The following PCCA variants were observed in gnomAD, a reference collection of about 807,000 sequenced individuals.
PCCA encodes propionyl-CoA carboxylase subunit alpha.
PCCA carries 74 observed loss-of-function variants against 101.3 expected under a neutral mutation model. The observed-to-expected ratio is 0.73, with a 90% CI of 0.61 to 0.89. PCCA has a LOEUF of 0.89. PCCA is among the 40% of genes least tolerant of loss of function. The probability of loss-of-function intolerance (pLI) is 0.00; values close to 1 mark genes in which losing one functional copy is unlikely to be tolerated. For synonymous variants in PCCA, 294 were observed against 313.6 expected (o/e 0.94, Z 0.66); for missense variants, 891 against 907.0 (o/e 0.98, Z 0.23).
In PCCA at chr13:100,104,099, G is replaced by A. The variant is rs563011859; in HGVS notation, c.183+1139G>A. ...ATGCCTTCATGGCAATGAAGGCATC[G>A]AAGTGGGCGGGAGTTTTGGTTAAGA... On this transcript the variant is annotated intron_variant, in intron 2 of 23. Coordinates refer to ENST00000376285, the MANE Select transcript of PCCA (RefSeq NM_000282.4). 5.9e-5 allele frequency among the ~76,000 whole-genome samples: 9 copies of A among 152,296 alleles called. No individual in the cohort carries two copies. The South Asian group carries it at 1.7e-3, about 28-fold the overall frequency.
At chr13:100,402,229 A>G (rs1188187356) in intron 19 of PCCA, among the ~76,000 whole-genome samples, 1 of 152,054 alleles carries the variant, frequency 6.6e-6, no homozygotes, top group Non-Finnish European at 1.5e-5. Flanking sequence ...TACAAAAGCT[A>G]TGTTGAAGAG....
chr13:100,505,641 G>T (rs1446919172), intron 21 of PCCA, among the ~76,000 whole-genome samples: 7 of 152,214 alleles, frequency 4.6e-5, no homozygotes, highest in Admixed American at 6.5e-5. Context: ...GGGGCGGGCG[G>T]ATCCCTTGAG....
intron 6 of PCCA, among the ~76,000 whole-genome samples, chr13:100,197,980 A>G (rs1373890775): frequency 6.6e-6 from 1 of 152,184 alleles, no homozygotes; most frequent in East Asian, 1.9e-4. Flanking sequence ...AACCAAAACT[A>G]TTTACATTCG....
chr13:100,093,652 G>C (rs1241544682), intron 1 of PCCA, among the ~76,000 whole-genome samples: 2 of 152,180 alleles, frequency 1.3e-5, no homozygotes, highest in African/African-American at 4.8e-5. Flanking sequence ...GGTAGCTCAC[G>C]CCTGCAATCT....
chr13:100,489,660 G>T (rs4772293), intron 21 of PCCA, among the ~76,000 whole-genome samples: 3 of 152,002 alleles, frequency 2.0e-5, no homozygotes, highest in Admixed American at 6.5e-5. Context: ...CGGAATGGCC[G>T]GCCAAATTTA....
intron 18 of PCCA, among the ~76,000 whole-genome samples, chr13:100,359,073 C>T (rs567442033): frequency 2.5e-5 from 3 of 121,764 alleles, no homozygotes; most frequent in African/African-American, 9.6e-5. Flanking sequence ...GCACTCCAGC[C>T]TGGGCAACAG....
chr13:100,203,790 A>G (rs372715472), intron 6 of PCCA, among the ~76,000 whole-genome samples: 3 of 152,340 alleles, frequency 2.0e-5, no homozygotes, highest in East Asian at 1.9e-4. Flanking sequence ...AGAGCCATGT[A>G]TTTTAAAATC....
intron 10 of PCCA, among the ~76,000 whole-genome samples, chr13:100,263,986 T>G (rs1354599680): frequency 1.3e-5 from 2 of 150,978 alleles, no homozygotes; most frequent in African/African-American, 4.9e-5. Context: ...GTATGTCATA[T>G]ATACGGTATC....
chr13:100,251,008 T>C (rs1252163702), intron 8 of PCCA, among the ~76,000 whole-genome samples: 1 of 152,112 alleles, frequency 6.6e-6, no homozygotes, highest in East Asian at 1.9e-4. Context: ...TATAATAGTA[T>C]ATATACCTTA....
intron 6 of PCCA, among the ~76,000 whole-genome samples, chr13:100,169,165 GGC>G (rs1449919346): frequency 6.6e-6 from 1 of 152,142 alleles, no homozygotes; most frequent in Non-Finnish European, 1.5e-5. Context: ...AATTTGGCCA[GGC>G]GCAGTGGCTC....
At chr13:100,329,421 G>A (rs1222833431) in intron 16 of PCCA, among the ~76,000 whole-genome samples, 6 of 152,112 alleles carry the variant, frequency 3.9e-5, no homozygotes, top group African/African-American at 1.4e-4. Context: ...AGGATGAGGA[G>A]CTTAGTGGCC....
At chr13:100,446,057 T>C (rs1185851905) in intron 20 of PCCA, among the ~76,000 whole-genome samples, 1 of 152,218 alleles carries the variant, frequency 6.6e-6, no homozygotes, top group East Asian at 1.9e-4. Flanking sequence ...TTTGTTTTTT[T>C]GAAACAGAGT....
chr13:100,379,357 C>T (rs1344638161), intron 19 of PCCA, among the ~76,000 whole-genome samples: 2 of 151,922 alleles, frequency 1.3e-5, no homozygotes, highest in Non-Finnish European at 2.9e-5. Flanking sequence ...CCTTGGGCCC[C>T]GGGGTTGCAT....
intron 4 of PCCA, among the ~76,000 whole-genome samples, chr13:100,145,156 A>G (rs1011687403): frequency 6.6e-6 from 1 of 152,254 alleles, no homozygotes; most frequent in African/African-American, 2.4e-5. Context: ...AAGGACACAT[A>G]TGGTATAATG....
intron 20 of PCCA, among the ~76,000 whole-genome samples, chr13:100,436,485 G>A (rs952215109): frequency 6.6e-6 from 1 of 152,174 alleles, no homozygotes; most frequent in Non-Finnish European, 1.5e-5. Context: ...CAGAAAAGGT[G>A]GGTGGTTTGC....
chr13:100,140,276 C>G (rs989478052), intron 4 of PCCA, among the ~76,000 whole-genome samples: 15 of 152,148 alleles, frequency 9.9e-5, no homozygotes, highest in African/African-American at 3.4e-4. Context: ...GGGGTTTTAC[C>G]TGCCCTCTTG....
At chr13:100,463,322 G>A (rs1020735015) in intron 21 of PCCA, among the ~76,000 whole-genome samples, 1 of 143,774 alleles carries the variant, frequency 7.0e-6, no homozygotes, top group Non-Finnish European at 1.5e-5. Flanking sequence ...GAGGTGGTTG[G>A]TTTTATTGGT....
At chr13:100,510,493 C>T (rs1420471069) in intron 21 of PCCA, among the ~76,000 whole-genome samples, 2 of 152,214 alleles carry the variant, frequency 1.3e-5, no homozygotes, top group African/African-American at 4.8e-5. Flanking sequence ...TACCGCACTA[C>T]ACCATTAATC....
intron 19 of PCCA, among the ~76,000 whole-genome samples, chr13:100,369,228 G>A (rs1159246857): frequency 6.6e-6 from 1 of 152,138 alleles, no homozygotes; most frequent in East Asian, 1.9e-4. Context: ...CTGAACTCAA[G>A]GAGGTTGCTA....
Sources: allele counts gnomAD v4.1 joint callset (sites outside exome capture counted in the v4.1 genomes callset), GRCh38; gene constraint gnomAD v4.1.1; transcripts MANE v1.5; gene names NCBI Gene and HGNC (gene_info 2026-07-23, HGNC 2026-07-21).